The following MED13 variants were observed in gnomAD, a reference collection of about 807,000 sequenced individuals.
MED13 encodes mediator complex subunit 13.
A neutral mutation model predicts 225.2 loss-of-function variants in MED13; 23 were observed. The ratio of observed to expected loss-of-function variants is 0.10; its 90% CI spans 0.07 to 0.14. MED13 has a LOEUF of 0.14. MED13 is among the 10% of genes least tolerant of loss of function. MED13 has a pLI of 1.00. For missense variants in MED13, 2,197 were observed against 2,594.5 expected (o/e 0.85, Z 3.33); for synonymous variants, 942 against 889.2 (o/e 1.06, Z -1.06).
At chr17:61,996,534 C>CT (rs1296054710) in intron 9 of MED13, among the ~76,000 whole-genome samples, 1 of 152,080 alleles carries the variant, frequency 6.6e-6, no homozygotes, top group Non-Finnish European at 1.5e-5. Context: ...CAAGGGCTTC[C>CT]TTTATGTTCC....
At position 61,961,705 on chromosome 17, in the gene MED13, G is replaced by A. The variant is rs1215463148; in HGVS notation, c.5139C>T (p.Ser1713=). 1.9e-6 allele frequency: 3 copies of A among 1,613,808 alleles called. No individual in the cohort carries two copies. The highest frequency in any genetic ancestry group is 2.5e-6 in the Non-Finnish European group (3 of 1,179,984). The change falls in exon 22 of 30, where the codon TCC becomes TCT. Residue 1713 remains serine (S), a synonymous_variant. Coordinates refer to ENST00000397786, the MANE Select transcript of MED13 (RefSeq NM_005121.3). ...ACTGGGTAAAGGCCGAAAAAGCCAG[G>A]GATTTTAAATGCTGGGGATAGATTT... The part of the protein sequence containing the change: ...DREIYPQHLK[S]LAFSAFTQCR...
intron 8 of MED13, among the ~76,000 whole-genome samples, chr17:62,015,938 ATATATATATATATATATTTTTT>A (rs2080568829): frequency 1.1e-4 from 1 of 9,004 alleles, no homozygotes; most frequent in African/African-American, 2.8e-4. Flanking sequence ...ATATATATAT[ATATATATATATATATATTTTTT>A]TTTTTTTTTT....
chr17:62,029,805 T>C (rs759142899), intron 7 of MED13, 46 bp downstream of exon 7: 4 of 1,552,202 alleles, frequency 2.6e-6, no homozygotes, highest in South Asian at 1.2e-5. Context: ...TAATTATAAG[T>C]AATTATCAAC....
intron 8 of MED13, among the ~76,000 whole-genome samples, chr17:62,023,696 A>G (rs1316507996): frequency 6.6e-6 from 1 of 152,052 alleles, no homozygotes; most frequent in Non-Finnish European, 1.5e-5. Context: ...TGGATTTGAG[A>G]GCGAGCTAGA....
intron 23 of MED13, among the ~76,000 whole-genome samples, chr17:61,959,439 C>T (rs1446684346): frequency 6.6e-6 from 1 of 151,914 alleles, no homozygotes; most frequent in African/African-American, 2.4e-5. Context: ...CACAGATTAG[C>T]ATATTCTTTC....
At chr17:61,957,560 G>A (rs1005661943) in intron 23 of MED13, among the ~76,000 whole-genome samples, 2 of 152,026 alleles carry the variant, frequency 1.3e-5, no homozygotes, top group Non-Finnish European at 2.9e-5. Context: ...ATCTTGGCCA[G>A]GCTGGTCTAG....
At position 61,943,277 on chromosome 17, in the gene MED13, A is replaced by ATT. The variant is rs2079828303; in HGVS notation, c.*3190_*3191insAA. On this transcript the variant is annotated 3_prime_UTR_variant, in exon 30 of 30. Coordinates refer to ENST00000397786, the MANE Select transcript of MED13 (RefSeq NM_005121.3). The stretch of plus-strand genomic sequence containing the variant: ...TATTAACTGATTGATATGCAATGCC[A>ATT]TAGTGGATGAATAGCAAATTATATG... The ATT allele has an allele frequency of 6.6e-6, 1 of 152,620 alleles. No individual in the cohort carries two copies. Among genetic ancestry groups the ATT allele is most frequent in the Non-Finnish European group, 1.5e-5 (1 of 67,994 alleles). The allele number at this position is 152,620 out of a possible 1,614,324, so 9.5% of individuals were successfully genotyped here.
chr17:62,063,373 T>C, intron 1 of MED13, 72 bp from the exon 2 acceptor site: 4 of 947,522 alleles, frequency 4.2e-6, no homozygotes, highest in Non-Finnish European at 6.5e-6. Flanking sequence ...ATATGATGTC[T>C]CTTATTTCAT....
At position 61,994,076 on chromosome 17, in the gene MED13, G is replaced by A. The variant is rs554840019; in HGVS notation, c.2181+1076C>T. On this transcript the variant is annotated intron_variant, in intron 10 of 29. Transcript: ENST00000397786. Reference sequence around the variant, plus strand: ...TTCACTGGCATGATCTCAGCTCACTGCAACTTCTGCCTCCTGGGTTCAAGC... The same window carrying A: ...TTCACTGGCATGATCTCAGCTCACTACAACTTCTGCCTCCTGGGTTCAAGC... Among the ~76,000 whole-genome samples the A allele has an allele frequency of 2.0e-5, 3 of 151,332 alleles. No homozygotes were observed. The East Asian group carries it at 5.8e-4, about 29-fold the overall frequency.
chr17:61,976,220 T>C (rs2080155061), intron 16 of MED13, among the ~76,000 whole-genome samples: 1 of 152,332 alleles, frequency 6.6e-6, no homozygotes, highest in East Asian at 1.9e-4. Context: ...CAATGGAATA[T>C]TATTTGGCAA....
chr17:62,017,570 CT>C (rs2080595367), intron 8 of MED13, among the ~76,000 whole-genome samples: 1 of 152,214 alleles, frequency 6.6e-6, no homozygotes, highest in Non-Finnish European at 1.5e-5. Flanking sequence ...CAGTATCTGA[CT>C]TTTTTATTAT....
intron 3 of MED13, among the ~76,000 whole-genome samples, chr17:62,047,003 C>CCACTTCAGAGTGTGTGCCACTGT (rs2080903453): frequency 6.6e-6 from 1 of 151,158 alleles, no homozygotes; most frequent in Admixed American, 6.6e-5. Flanking sequence ...CTCTGAAGTC[C>CCACTTCAGAGTGTGTGCCACTGT]CACTTCAGAG....
chr17:61,997,700 T>C (rs976270320), intron 9 of MED13, among the ~76,000 whole-genome samples: 4 of 152,152 alleles, frequency 2.6e-5, no homozygotes, highest in African/African-American at 9.7e-5. Flanking sequence ...TATATTCAAA[T>C]AACTATCCTT....
At chr17:62,037,666 CAAA>C (rs964038869) in intron 3 of MED13, among the ~76,000 whole-genome samples, 16 of 63,412 alleles carry the variant, frequency 2.5e-4, no homozygotes, top group African/African-American at 6.3e-4. Flanking sequence ...GACTCCATCT[CAAA>C]AAAAAAAAAA....
At chr17:61,993,695 C>T (rs911814362) in intron 10 of MED13, among the ~76,000 whole-genome samples, 21 of 151,656 alleles carry the variant, frequency 1.4e-4, no homozygotes, top group African/African-American at 4.6e-4. Flanking sequence ...TTTGGGAGGC[C>T]GAGGCGGGCG....
At position 62,033,416 on chromosome 17, in the gene MED13, A is replaced by G. The variant is rs550819703; in HGVS notation, c.814+371T>C. On this transcript the variant is annotated intron_variant, in intron 5 of 29. Coordinates refer to ENST00000397786, the MANE Select transcript of MED13 (RefSeq NM_005121.3). ...AGACAGAATATATTTCCCTGCCCCAATGACTTTGGCTTGGCCATTTAACTA... is the reference window on the plus strand; with the variant it reads ...AGACAGAATATATTTCCCTGCCCCAGTGACTTTGGCTTGGCCATTTAACTA... Among the ~76,000 whole-genome samples the G allele has an allele frequency of 6.6e-5, 10 of 152,298 alleles. 1 individual carries two copies. The South Asian group carries it at 1.9e-3, about 28-fold the overall frequency.
rs761803055 is a variant in MED13, at chr17:61,946,554, G to A, written c.6439C>T (p.Pro2147Ser). ...YNALSWLTCDPATQDRRSCLP... is the reference protein window; with the variant it reads ...YNALSWLTCDSATQDRRSCLP... ...CATGAGCGTCTGTCCTGGGTTGCAG[G>A]GTCACAGGTTAGCCAGGAGAGTGCA... Residue 2147 changes from proline to serine, a missense_variant, in exon 30 of 30, where the codon CCT becomes TCT. Transcript: ENST00000397786. 2.5e-6 allele frequency: 4 copies of A among 1,613,900 alleles called. No individual in the cohort carries two copies. The highest frequency in any genetic ancestry group is 1.1e-5 in the South Asian group (1 of 91,074).
intron 2 of MED13, among the ~76,000 whole-genome samples, chr17:62,056,127 T>C (rs1467193781): frequency 6.6e-6 from 1 of 152,208 alleles, no homozygotes. Context: ...GAGTAAGTCC[T>C]AATAACGCTC....
intron 16 of MED13, among the ~76,000 whole-genome samples, chr17:61,978,934 GAAC>G (rs1239942891): frequency 9.2e-5 from 14 of 152,056 alleles, no homozygotes; most frequent in Admixed American, 9.2e-4. Context: ...ATAATAAAAT[GAAC>G]AACTGTAATC....
Sources: allele counts gnomAD v4.1 joint callset (sites outside exome capture counted in the v4.1 genomes callset), GRCh38; gene constraint gnomAD v4.1.1; transcripts MANE v1.5; gene names NCBI Gene and HGNC (gene_info 2026-07-23, HGNC 2026-07-21).